The following LYPLAL1 variants were observed in gnomAD, a reference collection of about 807,000 sequenced individuals.
The protein encoded by LYPLAL1 is lysophospholipase like 1, also known as lysophospholipase-like protein 1.
In LYPLAL1, 23 loss-of-function variants were observed where a neutral mutation model predicts 19.7. The ratio of observed to expected loss-of-function variants is 1.17; its 90% CI spans 0.84 to 1.65. The LOEUF (loss-of-function observed/expected upper bound fraction) is 1.65, where lower values mean the gene tolerates loss of function less well. Among genes scored for constraint, LYPLAL1 ranks in the 40% most tolerant of loss-of-function variants. The pLI is 0.00. For synonymous variants in LYPLAL1, 119 were observed against 96.3 expected, an observed-to-expected ratio of 1.24 and a Z score of -1.38; for missense variants, 355 against 279.4, an observed-to-expected ratio of 1.27 and a Z score of -1.93.
the LYPLAL1 span, among the ~76,000 whole-genome samples, chr1:219,277,684 T>C: frequency 6.6e-6 from 1 of 152,184 alleles, no homozygotes; most frequent in Non-Finnish European, 1.5e-5. Flanking sequence ...AAATGACCCA[T>C]GTTCAGATAT....
At chr1:219,277,528 A>C in the LYPLAL1 span, among the ~76,000 whole-genome samples, 11 of 152,162 alleles carry the variant, frequency 7.2e-5, no homozygotes, top group African/African-American at 2.2e-4. Context: ...TGGAAAGTAG[A>C]GTGTATACTA....
At chr1:219,378,498 G>C in the LYPLAL1 span, among the ~76,000 whole-genome samples, 1 of 152,102 alleles carries the variant, frequency 6.6e-6, no homozygotes, top group Non-Finnish European at 1.5e-5. Context: ...TGAGATTTGG[G>C]TGAGGACACA....
intron 4 of LYPLAL1, 151 bp from the exon 5 acceptor site, chr1:219,211,341 G>A (rs1352080242): frequency 8.3e-6 from 5 of 599,986 alleles, no homozygotes; most frequent in Non-Finnish European, 1.5e-5. Context: ...GCCCACCAAT[G>A]TATACCTCAG....
the LYPLAL1 span, among the ~76,000 whole-genome samples, chr1:219,286,184 C>T: frequency 6.6e-6 from 1 of 152,106 alleles, no homozygotes; most frequent in African/African-American, 2.4e-5. Context: ...TGGTGCATGA[C>T]AGTTGCAATA....
the LYPLAL1 span, chr1:219,411,651 T>G: frequency 6.6e-6 from 1 of 152,316 alleles, no homozygotes; most frequent in East Asian, 1.9e-4. Flanking sequence ...ATTCTTTCGC[T>G]CTGCAATAAA....
chr1:219,208,285 G>T (rs10495126), intron 3 of LYPLAL1, among the ~76,000 whole-genome samples: 36,973 of 151,972 alleles, frequency 0.24, 4,665 homozygotes, highest in Non-Finnish European at 0.29. Flanking sequence ...AACTGATTAA[G>T]TATTTGTATT....
At chr1:219,209,596 T>C (rs1658835987) in intron 3 of LYPLAL1, among the ~76,000 whole-genome samples, 1 of 152,164 alleles carries the variant, frequency 6.6e-6, no homozygotes, top group African/African-American at 2.4e-5. Context: ...ATTTGAATTC[T>C]ACTTCAAAGT....
the LYPLAL1 span, among the ~76,000 whole-genome samples, chr1:219,257,343 A>G: frequency 1.5e-5 from 2 of 132,532 alleles, no homozygotes; most frequent in East Asian, 4.6e-4. Flanking sequence ...ATTTTAAAAC[A>G]TCCATACCAG....
At chr1:219,331,400 C>G in the LYPLAL1 span, among the ~76,000 whole-genome samples, 1 of 152,226 alleles carries the variant, frequency 6.6e-6, no homozygotes, top group South Asian at 2.1e-4. Flanking sequence ...GTTGGCTGAT[C>G]CAGGTTGGTC....
the LYPLAL1 span, among the ~76,000 whole-genome samples, chr1:219,349,796 A>G: frequency 6.6e-6 from 1 of 152,180 alleles, no homozygotes; most frequent in East Asian, 1.9e-4. Flanking sequence ...TTAGACTAAG[A>G]AAAACTTCCA....
chr1:219,200,625 C>A lies in LYPLAL1; in HGVS notation c.361+7374C>A, dbSNP rs187937035. Reference sequence around the variant, plus strand: ...ATTTGGCCTTCAGTGCTCACAAGATCTCTTTTGGGGGTAGTGTTCCTGATG... The same window carrying A: ...ATTTGGCCTTCAGTGCTCACAAGATATCTTTTGGGGGTAGTGTTCCTGATG... On this transcript the variant is annotated intron_variant, in intron 3 of 4. Coordinates refer to ENST00000366928, the MANE Select transcript of LYPLAL1 (RefSeq NM_138794.5). The A allele has an allele frequency of 2.0e-5, 4 of 195,364 alleles. No individual in the cohort carries two copies. In the Admixed American group the frequency reaches 2.3e-4, roughly 11 times the overall value. The allele number at this position is 195,364 out of a possible 1,614,324, so 12.1% of individuals were successfully genotyped here. A position where few individuals can be genotyped will look rare whatever the true frequency, so the allele number is the denominator to read the frequency against.
the LYPLAL1 span, among the ~76,000 whole-genome samples, chr1:219,257,557 C>T: frequency 2.6e-5 from 4 of 151,790 alleles, no homozygotes; most frequent in Non-Finnish European, 5.9e-5. Flanking sequence ...CCACCTGAGC[C>T]GCAAAACCAG....
the LYPLAL1 span, among the ~76,000 whole-genome samples, chr1:219,344,651 G>A: frequency 2.0e-5 from 3 of 152,050 alleles, no homozygotes; most frequent in Non-Finnish European, 4.4e-5. Context: ...CTATATGTCT[G>A]GGACCTAGTT....
the LYPLAL1 span, among the ~76,000 whole-genome samples, chr1:219,386,516 T>C: frequency 1.3e-5 from 2 of 152,226 alleles, no homozygotes; most frequent in East Asian, 3.8e-4. Flanking sequence ...TGTTGCTTTT[T>C]AGTCTCCTTT....
At chr1:219,359,074 G>GT in the LYPLAL1 span, among the ~76,000 whole-genome samples, 132 of 151,996 alleles carry the variant, frequency 8.7e-4, 1 homozygote, top group African/African-American at 3.0e-3. Flanking sequence ...GAAACAAGTT[G>GT]TTTTTTTCCA....
downstream of LYPLAL1, among the ~76,000 whole-genome samples, chr1:219,213,253 G>A (rs1187687509): frequency 1.3e-5 from 2 of 151,858 alleles, no homozygotes; most frequent in Non-Finnish European, 2.9e-5. Context: ...ATCTGTTTCT[G>A]GGTTCTCTCT....
At chr1:219,425,745 A>T in the LYPLAL1 span, among the ~76,000 whole-genome samples, 1,621 of 152,334 alleles carry the variant, frequency 0.011, 26 homozygotes, top group East Asian at 0.059. Context: ...TGCATTTATT[A>T]TCCTATAGTT....
the LYPLAL1 span, among the ~76,000 whole-genome samples, chr1:219,405,812 G>A: frequency 6.6e-6 from 1 of 152,140 alleles, no homozygotes; most frequent in Admixed American, 6.5e-5. Context: ...CTCTGAGGAG[G>A]GTCAGAGCCT....
At chr1:219,396,973 G>A in the LYPLAL1 span, among the ~76,000 whole-genome samples, 1 of 152,130 alleles carries the variant, frequency 6.6e-6, no homozygotes, top group Non-Finnish European at 1.5e-5. Context: ...GGTGAGAGAG[G>A]GCATCCTTGT....
Sources: allele counts gnomAD v4.1 joint callset (sites outside exome capture counted in the v4.1 genomes callset), GRCh38; gene constraint gnomAD v4.1.1; transcripts MANE v1.5; gene names NCBI Gene and HGNC (gene_info 2026-07-23, HGNC 2026-07-21).